The following MARK1 variants were observed in gnomAD, a reference collection of about 807,000 sequenced individuals.
MARK1 encodes the protein microtubule affinity regulating kinase 1, also known as serine/threonine-protein kinase MARK1.
A neutral mutation model predicts 96.3 loss-of-function variants in MARK1; 40 were observed. That is an observed-to-expected ratio of 0.42 (90% CI 0.32 to 0.54). MARK1 has a LOEUF of 0.54. MARK1 is among the 20% of genes least tolerant of loss of function. The pLI is 0.16. For missense variants in MARK1, 719 were observed against 984.6 expected, an observed-to-expected ratio of 0.73 and a Z score of 3.61; for synonymous variants, 317 against 341.2, an observed-to-expected ratio of 0.93 and a Z score of 0.78.
intron 3 of MARK1, among the ~76,000 whole-genome samples, chr1:220,597,058 C>CT (rs1401251949): frequency 2.6e-5 from 4 of 152,042 alleles, no homozygotes; most frequent in Admixed American, 1.3e-4. Flanking sequence ...AATTTCCTTC[C>CT]TTTTTAAGGC....
At chr1:220,656,523 C>T (rs555274285) in intron 16 of MARK1, among the ~76,000 whole-genome samples, 2 of 152,320 alleles carry the variant, frequency 1.3e-5, no homozygotes, top group South Asian at 2.1e-4. Context: ...AACAGCATTA[C>T]TGTCTTGCTT....
At chr1:220,550,982 G>C (rs1661818531) in intron 1 of MARK1, among the ~76,000 whole-genome samples, 1 of 152,202 alleles carries the variant, frequency 6.6e-6, no homozygotes, top group African/African-American at 2.4e-5. Context: ...GGTATTAAGA[G>C]GCTGAAATCC....
chr1:220,543,278 CT>C (rs1661268871), intron 1 of MARK1, among the ~76,000 whole-genome samples: 1 of 152,124 alleles, frequency 6.6e-6, no homozygotes, highest in Non-Finnish European at 1.5e-5. Context: ...TCTTTCAGTT[CT>C]TTATCACAAA....
intron 1 of MARK1, among the ~76,000 whole-genome samples, chr1:220,554,504 GC>G (rs781592311): frequency 2.6e-5 from 4 of 152,268 alleles, no homozygotes; most frequent in Non-Finnish European, 5.9e-5. Context: ...GAATTATGTG[GC>G]CCCAAATGTC....
chr1:220,592,112 C>T (rs1665024988), intron 3 of MARK1, among the ~76,000 whole-genome samples: 1 of 151,748 alleles, frequency 6.6e-6, no homozygotes, highest in Non-Finnish European at 1.5e-5. Context: ...TTCTGATGTT[C>T]ACACTTTTGC....
Position 220,604,308 on chromosome 1 carries a change from T to C in MARK1, c.495+171T>C, listed in dbSNP as rs79580194. On this transcript the variant is annotated intron_variant, in intron 6 of 17. Coordinates refer to ENST00000366917, the MANE Select transcript of MARK1 (RefSeq NM_018650.5). ...AAAAATAAACCTTTCTGAATTTAAATTTAAATAGTTGCAGATGGTTATTTT... is the reference window on the plus strand; with the variant it reads ...AAAAATAAACCTTTCTGAATTTAAACTTAAATAGTTGCAGATGGTTATTTT... 2.2e-3 allele frequency among the ~76,000 whole-genome samples: 330 copies of C among 152,126 alleles called. 1 individual carries two copies. The highest frequency in any genetic ancestry group is 7.5e-3 in the African/African-American group (312 of 41,544).
At chr1:220,643,982 C>T (rs181218672) in intron 13 of MARK1, among the ~76,000 whole-genome samples, 13 of 152,208 alleles carry the variant, frequency 8.5e-5, no homozygotes, top group African/African-American at 2.4e-4. Flanking sequence ...GTACACAGAC[C>T]GATGACACTA....
chr1:220,622,527 A>G (rs967786854), intron 9 of MARK1, among the ~76,000 whole-genome samples: 1 of 152,232 alleles, frequency 6.6e-6, no homozygotes, highest in Admixed American at 6.5e-5. Flanking sequence ...TCAGAAGCAT[A>G]TAGTATATTT....
intron 6 of MARK1, among the ~76,000 whole-genome samples, chr1:220,613,462 T>C (rs2102954098): frequency 6.6e-6 from 1 of 152,306 alleles, no homozygotes; most frequent in African/African-American, 2.4e-5. Context: ...CTGTCTGACA[T>C]GAGTTGCATG....
In MARK1 at chr1:220,663,043, A is replaced by G. The variant is rs369749360; in HGVS notation, c.*877A>G. On this transcript the variant is annotated 3_prime_UTR_variant, in exon 18 of 18. Coordinates refer to ENST00000366917, the MANE Select transcript of MARK1 (RefSeq NM_018650.5). ...TACCGCAATTTAATTGCGGGAATATAATAATATTGGGACTGTTTCACAGCA... is the reference window on the plus strand; with the variant it reads ...TACCGCAATTTAATTGCGGGAATATGATAATATTGGGACTGTTTCACAGCA... 1.3e-5 allele frequency: 2 copies of G among 152,640 alleles called. No individual in the cohort carries two copies. Among genetic ancestry groups the G allele is most frequent in the Non-Finnish European group, 2.9e-5 (2 of 68,038 alleles). 9.5% of individuals were successfully genotyped at this position (152,640 alleles called of 1,614,324 possible).
intron 3 of MARK1, among the ~76,000 whole-genome samples, chr1:220,583,376 C>T (rs773806134): frequency 2.6e-5 from 4 of 152,080 alleles, no homozygotes; most frequent in South Asian, 2.1e-4. Context: ...GTTGATACAC[C>T]AACTGCTTAA....
At position 220,566,723 on chromosome 1, in the gene MARK1, C is replaced by A. The variant is rs552098587; in HGVS notation, c.52-12631C>A. ...TTAGCCTTTGGTGAACAAATTCAGG[C>A]ATAATCTACTAATTTGCTTAGAAAG... On this transcript the variant is annotated intron_variant, in intron 1 of 17. Coordinates refer to ENST00000366917, the MANE Select transcript of MARK1 (RefSeq NM_018650.5). Among the ~76,000 whole-genome samples, 34 of 152,244 alleles carry A rather than the reference C, an allele frequency of 2.2e-4. No individual in the cohort carries two copies. The South Asian group carries it at 7.0e-3, about 32-fold the overall frequency.
In MARK1 at chr1:220,591,345, C is replaced by G. The variant is rs1664967294; in HGVS notation, c.310-6986C>G. On this transcript the variant is annotated intron_variant, in intron 3 of 17. Coordinates refer to ENST00000366917, the MANE Select transcript of MARK1 (RefSeq NM_018650.5). ...CTGTTAGTTTTGAGATATGTCCCAG[C>G]CGATTCTAAGAGAAAACTACCAAAT... 2.6e-5 allele frequency among the ~76,000 whole-genome samples: 4 copies of G among 152,148 alleles called. No homozygotes were observed. The South Asian group carries it at 8.3e-4, about 32-fold the overall frequency.
intron 13 of MARK1, among the ~76,000 whole-genome samples, chr1:220,648,072 AAAAAG>A (rs1353605032): frequency 6.6e-6 from 1 of 152,104 alleles, no homozygotes; most frequent in Non-Finnish European, 1.5e-5. Context: ...ATTAAAAAAA[AAAAAG>A]AAACAACATT....
At chr1:220,553,545 G>A (rs914211098) in intron 1 of MARK1, among the ~76,000 whole-genome samples, 1 of 152,168 alleles carries the variant, frequency 6.6e-6, no homozygotes, top group African/African-American at 2.4e-5. Context: ...TTCAAGACCT[G>A]CTCAAGCTTT....
At chr1:220,624,285 G>A (rs1195149306) in intron 9 of MARK1, among the ~76,000 whole-genome samples, 1 of 95,788 alleles carries the variant, frequency 1.0e-5, no homozygotes, top group Non-Finnish European at 1.9e-5. Flanking sequence ...GAAACAGAAT[G>A]CGATTCCATC....
chr1:220,548,959 A>T (rs1226479114), intron 1 of MARK1, among the ~76,000 whole-genome samples: 1 of 152,154 alleles, frequency 6.6e-6, no homozygotes, highest in African/African-American at 2.4e-5. Flanking sequence ...GGCAAGTGGT[A>T]GTGAAAGCCC....
At chr1:220,630,039 C>A (rs539475634) in intron 9 of MARK1, among the ~76,000 whole-genome samples, 1 of 152,280 alleles carries the variant, frequency 6.6e-6, no homozygotes. Context: ...TTTTCCATAG[C>A]AGCTGCACCA....
At chr1:220,554,597 A>G (rs534415019) in intron 1 of MARK1, among the ~76,000 whole-genome samples, 12 of 152,298 alleles carry the variant, frequency 7.9e-5, no homozygotes, top group Admixed American at 7.2e-4. Context: ...TAGGATAGTA[A>G]ATGAAGCAGC....
Sources: allele counts gnomAD v4.1 joint callset (sites outside exome capture counted in the v4.1 genomes callset), GRCh38; gene constraint gnomAD v4.1.1; transcripts MANE v1.5; gene names NCBI Gene and HGNC (gene_info 2026-07-23, HGNC 2026-07-21).